OSTM1: variants seen among roughly 807,000 people sequenced by gnomAD.
The protein encoded by OSTM1 is osteopetrosis-associated transmembrane protein 1.
A neutral mutation model predicts 35.4 loss-of-function variants in OSTM1; 26 were observed. That is an observed-to-expected ratio of 0.73 (90% CI 0.54 to 1.02). OSTM1 has a LOEUF of 1.02. Among genes scored for constraint, OSTM1 ranks in the 50% least tolerant of loss-of-function variants. The pLI, the probability that OSTM1 is intolerant of heterozygous loss-of-function variation, is 0.00. For missense variants in OSTM1, 366 were observed against 409.6 expected, an observed-to-expected ratio of 0.89 and a Z score of 0.92; for synonymous variants, 181 against 165.0, an observed-to-expected ratio of 1.10 and a Z score of -0.75.
chr6:108,056,371 ACT>A (rs1159228388), intron 2 of OSTM1, among the ~76,000 whole-genome samples: 9 of 152,208 alleles, frequency 5.9e-5, no homozygotes, highest in African/African-American at 1.4e-4. Flanking sequence ...ACTCTCAAAC[ACT>A]GCAAAATAAA....
intron 1 of OSTM1, among the ~76,000 whole-genome samples, chr6:108,066,311 G>A (rs1772374994): frequency 6.6e-6 from 1 of 152,104 alleles, no homozygotes; most frequent in Non-Finnish European, 1.5e-5. Context: ...GGACAGAAAG[G>A]AAATGATTAA....
rs1458866682 is a variant in OSTM1, at chr6:108,051,133, T to C, written c.681A>G (p.Ala227=). ...TGTACAGACTACTCAGAGTTTTGTA[T>C]GCTTCACGGCAGTTTTTGCATACTT... ...YSEVCKNCRE[A]YKTLSSLYSE... The change falls in exon 4 of 6, where the codon GCA becomes GCG. Residue 227 remains alanine, a synonymous_variant. Coordinates refer to ENST00000193322, the MANE Select transcript of OSTM1 (RefSeq NM_014028.4). The C allele has an allele frequency of 6.2e-7, 1 of 1,613,618 alleles. No homozygotes were observed. Among genetic ancestry groups the C allele is most frequent in the East Asian group, 2.2e-5 (1 of 44,830 alleles).
intron 5 of OSTM1, among the ~76,000 whole-genome samples, chr6:108,045,911 C>T (rs1282255557): frequency 6.6e-6 from 1 of 152,150 alleles, no homozygotes; most frequent in Non-Finnish European, 1.5e-5. Flanking sequence ...CAATGGGACC[C>T]TAGTACCTGT....
chr6:108,056,207 C>G (rs1772167360), intron 2 of OSTM1, among the ~76,000 whole-genome samples: 1 of 152,162 alleles, frequency 6.6e-6, no homozygotes, highest in African/African-American at 2.4e-5. Context: ...CCATTTAATT[C>G]TTGCAGTGAT....
chr6:108,061,966 A>C (rs1772280290), intron 2 of OSTM1, among the ~76,000 whole-genome samples: 1 of 152,322 alleles, frequency 6.6e-6, no homozygotes, highest in South Asian at 2.1e-4. Flanking sequence ...CAAGACTCCC[A>C]ATGGATGCTT....
intron 1 of OSTM1, among the ~76,000 whole-genome samples, chr6:108,072,621 A>AGCAG (rs1318667270): frequency 3.5e-5 from 3 of 85,498 alleles, no homozygotes; most frequent in South Asian, 3.5e-4. Context: ...TGGGCAACAG[A>AGCAG]GCAAGACCTT....
intron 3 of OSTM1, among the ~76,000 whole-genome samples, 179 bp from the exon 4 acceptor site, chr6:108,051,377 A>G (rs1276197863): frequency 6.6e-6 from 1 of 152,210 alleles, no homozygotes; most frequent in Non-Finnish European, 1.5e-5. Flanking sequence ...CTATAAAATA[A>G]AACGACCTCT....
intron 2 of OSTM1, among the ~76,000 whole-genome samples, chr6:108,054,938 T>C (rs1772143981): frequency 1.3e-5 from 2 of 152,204 alleles, no homozygotes; most frequent in African/African-American, 2.4e-5. Flanking sequence ...CTGCATTAAT[T>C]TTACCGAAAC....
chr6:108,064,800 C>T (rs925992942), intron 1 of OSTM1, among the ~76,000 whole-genome samples: 6 of 152,102 alleles, frequency 3.9e-5, no homozygotes, highest in African/African-American at 1.4e-4. Context: ...GCTTTGAGAA[C>T]CTCTCGCAGT....
intron 2 of OSTM1, among the ~76,000 whole-genome samples, chr6:108,058,500 G>A (rs1005869531): frequency 2.6e-5 from 4 of 151,104 alleles, no homozygotes; most frequent in African/African-American, 9.7e-5. Context: ...GGGAAAGAAA[G>A]GTTTTGGGCC....
chr6:108,067,828 TAAA>T (rs60932026), intron 1 of OSTM1, among the ~76,000 whole-genome samples: 4 of 77,782 alleles, frequency 5.1e-5, no homozygotes, highest in African/African-American at 1.4e-4. Flanking sequence ...AGCCTCTGTC[TAAA>T]AAAAAAAAAA....
intron 2 of OSTM1, among the ~76,000 whole-genome samples, chr6:108,056,802 C>G (rs1035196584): frequency 2.0e-5 from 3 of 152,160 alleles, no homozygotes; most frequent in African/African-American, 7.2e-5. Flanking sequence ...TTCTCTGAAG[C>G]TTTATCTTCT....
intron 1 of OSTM1, among the ~76,000 whole-genome samples, chr6:108,069,516 T>C (rs1772445355): frequency 6.6e-6 from 1 of 152,204 alleles, no homozygotes; most frequent in Non-Finnish European, 1.5e-5. Context: ...GATGGATCTA[T>C]AGATCTAAAT....
rs754872280 is a variant in OSTM1, at chr6:108,054,562, T to C, written c.543A>G (p.Glu181=). The C allele has an allele frequency of 6.4e-7, 1 of 1,559,310 alleles. No homozygotes were observed. Among genetic ancestry groups the C allele is most frequent in the East Asian group, 2.3e-5 (1 of 44,408 alleles). ...GGAAATATACTGTGCTGTTTGATAATTCTTCACTGTTGTTTGTTAAACAAT... is the reference window on the plus strand; with the variant it reads ...GGAAATATACTGTGCTGTTTGATAACTCTTCACTGTTGTTTGTTAAACAAT... The part of the protein sequence containing the change: ...CANCLTNNSE[E]LSNSTVYFLN... Residue 181 remains glutamate (E), a synonymous_variant, in exon 3 of 6, where the codon GAA becomes GAG. Transcript: ENST00000193322.
intron 2 of OSTM1, among the ~76,000 whole-genome samples, chr6:108,063,544 T>C (rs956232477): frequency 6.6e-6 from 1 of 152,220 alleles, no homozygotes; most frequent in Non-Finnish European, 1.5e-5. Context: ...GCCTAGCACA[T>C]AGTTGGTATT....
chr6:108,070,905 A>G (rs1446561762), intron 1 of OSTM1, among the ~76,000 whole-genome samples: 2 of 140,514 alleles, frequency 1.4e-5, no homozygotes, highest in Non-Finnish European at 3.1e-5. Context: ...AAAAAAAAAA[A>G]GGGCTGGGTG....
Position 108,074,630 on chromosome 6 carries a change from C to T in OSTM1, c.22G>A (p.Ala8Thr), listed in dbSNP as rs1772559638. MEPGPTA[A>T]QRRCSLPPWL... ...GGCGGCAACGAACACCTCCGCTGCG[C>T]GGCTGTCGGGCCCGGCTCCATCACC... Residue 8 changes from alanine to threonine, a missense_variant, in exon 1 of 6, where the codon GCG (alanine) becomes ACG (threonine). Ala to Thr is a moderately conservative substitution (Grantham distance 58). Around this residue, in one of 3 missense-constraint regions of OSTM1, gnomAD observed 236 missense variants for 239.3 expected, o/e 0.99. Transcript: ENST00000193322. The T allele has an allele frequency of 1.3e-6, 2 of 1,557,942 alleles. No individual in the cohort carries two copies. Among genetic ancestry groups the T allele is most frequent in the Admixed American group, 1.8e-5 (1 of 54,452 alleles).
At chr6:108,048,417 G>C (rs1345017795) in intron 5 of OSTM1, among the ~76,000 whole-genome samples, 2 of 152,204 alleles carry the variant, frequency 1.3e-5, no homozygotes, top group Admixed American at 1.3e-4. Flanking sequence ...TCTAGTTAGT[G>C]CTTCTTTTGC....
chr6:108,056,706 G>A (rs890646961), intron 2 of OSTM1, among the ~76,000 whole-genome samples: 1 of 152,108 alleles, frequency 6.6e-6, no homozygotes, highest in African/African-American at 2.4e-5. Context: ...CCTTGTGCAG[G>A]GCTCCTTCTG....
Sources: gnomAD v4.1 joint callset for allele counts (sites outside exome capture counted in the v4.1 genomes callset) on GRCh38, gnomAD v4.1.1 for gene constraint, gnomAD v4.1.1 regional missense constraint, MANE v1.5 for transcripts, NCBI Gene and HGNC (gene_info 2026-07-23, HGNC 2026-07-21) for gene names.